PADI4: variants seen among roughly 807,000 people sequenced by gnomAD.
PADI4 encodes protein-arginine deiminase type-4.
In PADI4, 62 loss-of-function variants were observed where a neutral mutation model predicts 75.0. That is an observed-to-expected ratio of 0.83 (90% CI 0.67 to 1.02). PADI4 has a LOEUF of 1.02. Among genes scored for constraint, PADI4 ranks in the 50% least tolerant of loss-of-function variants. The pLI is 0.00. For synonymous variants in PADI4, 361 were observed against 348.1 expected (o/e 1.04, Z -0.41); for missense variants, 845 against 850.5 (o/e 0.99, Z 0.08).
intron 10 of PADI4, among the ~76,000 whole-genome samples, chr1:17,353,014 G>A (rs1397997933): frequency 2.6e-5 from 4 of 152,196 alleles, no homozygotes; most frequent in African/African-American, 9.6e-5. Flanking sequence ...TGATTCAGGG[G>A]CTTCTGAGGG....
chr1:17,346,977 G>T lies in PADI4; in HGVS notation c.1047+838G>T, dbSNP rs2074528059. ...TTTTCTTTTTTTTTTCACTCTTGTT[G>T]CCCAGGCTGGAGTGCAATGGCTCGA... On this transcript the variant is annotated intron_variant, in intron 9 of 15. Transcript: ENST00000375448. The surrounding 1 kb of genome is among the most constrained non-coding windows in gnomAD (Gnocchi z 4.3). Among the ~76,000 whole-genome samples, 1 of 146,324 alleles carries T rather than the reference G, an allele frequency of 6.8e-6. No individual in the cohort carries two copies. The highest frequency in any genetic ancestry group is 1.5e-5 in the Non-Finnish European group (1 of 66,976).
chr1:17,321,991 G>A (rs78214933), intron 1 of PADI4, among the ~76,000 whole-genome samples: 1,747 of 152,294 alleles, frequency 0.011, 41 homozygotes, highest in African/African-American at 0.04. Context: ...CACCATTTTC[G>A]TGTGAGGCAA....
chr1:17,351,638 C>T (rs1016415243), intron 10 of PADI4, among the ~76,000 whole-genome samples: 4 of 143,218 alleles, frequency 2.8e-5, no homozygotes, highest in Non-Finnish European at 4.5e-5. Context: ...AAAAAGATTG[C>T]GTTCTTAAAT....
At chr1:17,314,818 A>G (rs1045051920) in intron 1 of PADI4, among the ~76,000 whole-genome samples, 15 of 152,212 alleles carry the variant, frequency 9.9e-5, no homozygotes, top group South Asian at 6.2e-4. Context: ...TCTGATCCCA[A>G]ACTGCTCCAA....
At position 17,319,500 on chromosome 1, in the gene PADI4, T is replaced by C. The variant is rs1014027596; in HGVS notation, c.92+11186T>C. ...GGAAGGGTCACTTCAGCCTGGGAGG[T>C]TGAGTTGCAGTGCACTGTGCTTAAA... is the stretch of plus-strand genomic sequence containing the variant. On this transcript the variant is annotated intron_variant, in intron 1 of 15. Transcript: ENST00000375448. Among the ~76,000 whole-genome samples, 3 of 151,892 alleles carry C rather than the reference T, an allele frequency of 2.0e-5. No individual in the cohort carries two copies. In the South Asian group the frequency reaches 6.2e-4, roughly 32 times the overall value.
intron 1 of PADI4, among the ~76,000 whole-genome samples, chr1:17,327,553 T>A (rs2074136170): frequency 6.6e-6 from 1 of 151,888 alleles, no homozygotes; most frequent in Non-Finnish European, 1.5e-5. Flanking sequence ...TTACTTTTTT[T>A]TTTTTTGAGA....
At chr1:17,337,167 T>TTATC (rs2074328515) in intron 4 of PADI4, among the ~76,000 whole-genome samples, 1 of 152,122 alleles carries the variant, frequency 6.6e-6, no homozygotes, top group Non-Finnish European at 1.5e-5. Flanking sequence ...ATTTATTTAT[T>TTATC]TATTGAGATG....
Position 17,357,941 on chromosome 1 carries a change from A to AAC in PADI4, c.1559-896_1559-895insCA, listed in dbSNP as rs1553149923. On this transcript the variant is annotated intron_variant, in intron 13 of 15. Transcript: ENST00000375448. ...GCAAGACTCAGTCTCAAAAAAAAAA[A>AAC]AAAAAACAAGAAAATATTAAACTAG... 4.3e-3 allele frequency among the ~76,000 whole-genome samples: 620 copies of AAC among 143,430 alleles called. 12 individuals are homozygous for AAC. The highest frequency in any genetic ancestry group is 0.026 in the South Asian group (121 of 4,580). 94.1% of individuals were successfully genotyped at this position (143,430 alleles called of 152,430 possible).
At chr1:17,335,462 CCTAA>C (rs1330587150) in intron 3 of PADI4, among the ~76,000 whole-genome samples, 1 of 152,174 alleles carries the variant, frequency 6.6e-6, no homozygotes, top group Non-Finnish European at 1.5e-5. Context: ...CTTCCCCGGC[CCTAA>C]CTAAGACGTG....
chr1:17,320,391 A>G (rs2074013519), intron 1 of PADI4, among the ~76,000 whole-genome samples: 1 of 152,248 alleles, frequency 6.6e-6, no homozygotes, highest in Non-Finnish European at 1.5e-5. Context: ...TAAGAACGCA[A>G]AGGAATAAAA....
chr1:17,353,807 A>G (rs540491841), intron 10 of PADI4, among the ~76,000 whole-genome samples: 2 of 152,324 alleles, frequency 1.3e-5, no homozygotes, highest in African/African-American at 4.8e-5. Context: ...CTGCCAGCCA[A>G]GGCGGCTATT....
intron 13 of PADI4, among the ~76,000 whole-genome samples, chr1:17,357,902 G>A (rs928628629): frequency 4.7e-5 from 7 of 147,904 alleles, no homozygotes; most frequent in African/African-American, 1.8e-4. Context: ...CTGCACTCTA[G>A]CCTGGGTGAC....
rs2074758079 is a variant in PADI4 at position 17,356,256 on chromosome 1, C to T, written c.1456-101C>T. ...GGATGGCAGTAGAGGAGGTGGCCAG[C>T]TTGGGTCCAAGTCCACACTACTCCC... On this transcript the variant is annotated intron_variant, in intron 12 of 15. Transcript: ENST00000375448. This position sits in a 1 kb window ranked among gnomAD's most constrained non-coding sequence, Gnocchi z 4.1. 1 of 1,305,008 alleles carries T rather than the reference C, an allele frequency of 7.7e-7. No individual in the cohort carries two copies. The highest frequency in any genetic ancestry group is 2.5e-5 in the East Asian group (1 of 40,378). 80.8% of individuals were successfully genotyped at this position (1,305,008 alleles called of 1,614,324 possible).
In PADI4 at chr1:17,331,119, A is replaced by G; in HGVS notation, c.243A>G (p.Lys81=). ...DPGVEVTLTM[K]VASGSTGDQK... ...GGGTAGAGGTGACCCTGACGATGAA[A>G]GTGGCCAGTGGTAGCACAGGCGACC... The change falls in exon 2 of 16, where the codon AAA becomes AAG. Residue 81 remains lysine, a synonymous_variant. Coordinates refer to ENST00000375448, the MANE Select transcript of PADI4 (RefSeq NM_012387.3). 7 of 1,612,168 alleles carry G rather than the reference A, an allele frequency of 4.3e-6. No homozygotes were observed. Among genetic ancestry groups the G allele is most frequent in the Non-Finnish European group, 5.9e-6 (7 of 1,179,192 alleles).
At chr1:17,316,887 C>G (rs1033722394) in intron 1 of PADI4, among the ~76,000 whole-genome samples, 4 of 152,004 alleles carry the variant, frequency 2.6e-5, no homozygotes, top group African/African-American at 9.7e-5. Context: ...CCTCAGTGTG[C>G]TCATCTGTAA....
rs1436369374 is a variant in PADI4, at chr1:17,356,766, G to A, written c.1558+307G>A. Among the ~76,000 whole-genome samples, 1 of 151,988 alleles carries A rather than the reference G, an allele frequency of 6.6e-6. No homozygotes were observed. Among genetic ancestry groups the A allele is most frequent in the African/African-American group, 2.4e-5 (1 of 41,370 alleles). On this transcript the variant is annotated intron_variant, in intron 13 of 15. Transcript: ENST00000375448. The surrounding 1 kb of genome is among the most constrained non-coding windows in gnomAD (Gnocchi z 4.1). Reference sequence around the variant, plus strand: ...GCAGAGGCCAAGCAGTAGCATGCAAGTAGGGGTTGGCTGGGCAAACGGGGC... The same window carrying A: ...GCAGAGGCCAAGCAGTAGCATGCAAATAGGGGTTGGCTGGGCAAACGGGGC...
chr1:17,327,494 ACT>A (rs2074135144), intron 1 of PADI4, among the ~76,000 whole-genome samples: 1 of 149,544 alleles, frequency 6.7e-6, no homozygotes, highest in Non-Finnish European at 1.5e-5. Context: ...TTTAATGAAA[ACT>A]CTCTTTTAAC....
rs541905196 is a variant in PADI4, at chr1:17,342,225, G to A, written c.832-74G>A. The stretch of plus-strand genomic sequence containing the variant: ...CAGCTGGGCAGGGGGACTCCAAACA[G>A]CTGCAGGAAGTGGTAGGTGCTGGGC... On this transcript the variant is annotated intron_variant, in intron 7 of 15. Transcript: ENST00000375448. 284 of 1,423,796 alleles carry A rather than the reference G, an allele frequency of 2.0e-4. 1 individual carries two copies. The South Asian group carries it at 3.2e-3, about 16-fold the overall frequency. The allele number at this position is 1,423,796 out of a possible 1,614,324, so 88.2% of individuals were successfully genotyped here. A position where few individuals can be genotyped will look rare whatever the true frequency, so the allele number is the denominator to read the frequency against.
At chr1:17,360,264 C>T (rs1317688234) in intron 15 of PADI4, among the ~76,000 whole-genome samples, 2 of 150,642 alleles carry the variant, frequency 1.3e-5, no homozygotes, top group African/African-American at 4.9e-5. Context: ...GCACTCCAGC[C>T]TGGGTAACAG....
Sources: allele counts gnomAD v4.1 joint callset (sites outside exome capture counted in the v4.1 genomes callset), GRCh38; gene constraint gnomAD v4.1.1; non-coding constraint Gnocchi (gnomAD v3.1); transcripts MANE v1.5; gene names NCBI Gene and HGNC (gene_info 2026-07-23, HGNC 2026-07-21).